The following DLG2 variants were observed in gnomAD, a reference collection of about 807,000 sequenced individuals.
DLG2 encodes disks large homolog 2.
Under a neutral mutation model 132.5 loss-of-function variants are expected in DLG2, and 45 were observed. That is an observed-to-expected ratio of 0.34 (90% CI 0.27 to 0.44). The LOEUF (loss-of-function observed/expected upper bound fraction) is 0.44. Ranked by LOEUF, DLG2 falls within the 20% of genes least tolerant of loss-of-function variation. The probability of loss-of-function intolerance (pLI) is 1.00; values close to 1 mark genes in which losing one functional copy is unlikely to be tolerated. For synonymous variants in DLG2, 424 were observed against 419.6 expected, an observed-to-expected ratio of 1.01 and a Z score of -0.13; for missense variants, 1,045 against 1,196.9, an observed-to-expected ratio of 0.87 and a Z score of 1.87.
chr11:83,812,323 C>T (rs1016359301), intron 17 of DLG2, among the ~76,000 whole-genome samples: 7 of 152,090 alleles, frequency 4.6e-5, no homozygotes, highest in Non-Finnish European at 1.0e-4. Flanking sequence ...TTGTGTTTAA[C>T]AGTAATAGAT....
intron 8 of DLG2, among the ~76,000 whole-genome samples, chr11:84,169,733 C>T (rs1287688369): frequency 6.6e-6 from 1 of 152,046 alleles, no homozygotes; most frequent in African/African-American, 2.4e-5. Context: ...ACTAGCTGGG[C>T]ATCATGGCTC....
At chr11:84,883,174 C>A (rs548635363) in intron 6 of DLG2, among the ~76,000 whole-genome samples, 24 of 152,158 alleles carry the variant, frequency 1.6e-4, no homozygotes, top group Middle Eastern at 6.8e-3. Context: ...ATGGATGAAG[C>A]TGGAAACCAT....
chr11:84,312,834 G>A (rs1293698527), intron 7 of DLG2, among the ~76,000 whole-genome samples: 2 of 151,810 alleles, frequency 1.3e-5, no homozygotes, highest in Non-Finnish European at 2.9e-5. Flanking sequence ...TTTTCAAGAT[G>A]GAGTCTTGCT....
chr11:84,443,551 A>G (rs1449165354), intron 7 of DLG2, among the ~76,000 whole-genome samples: 3 of 152,216 alleles, frequency 2.0e-5, no homozygotes, highest in Admixed American at 2.0e-4. Context: ...ATAAGAGATC[A>G]GTATTCTATA....
intron 18 of DLG2, among the ~76,000 whole-genome samples, chr11:83,701,054 T>A (rs1470186867): frequency 6.6e-6 from 1 of 152,192 alleles, no homozygotes; most frequent in East Asian, 1.9e-4. Flanking sequence ...ACAGGATGTC[T>A]AGGCTTTGTT....
chr11:83,699,571 G>T (rs1375217394), intron 18 of DLG2, among the ~76,000 whole-genome samples: 2 of 150,000 alleles, frequency 1.3e-5, no homozygotes, highest in Admixed American at 6.6e-5. Context: ...CTAGCCGGGC[G>T]TGGTGGTGGG....
intron 6 of DLG2, among the ~76,000 whole-genome samples, chr11:84,731,717 T>A (rs1166330528): frequency 6.6e-6 from 1 of 151,988 alleles, no homozygotes; most frequent in Non-Finnish European, 1.5e-5. Flanking sequence ...AAATGTTTGT[T>A]CTTATTCTAA....
At position 85,062,496 on chromosome 11, in the gene DLG2, G is replaced by A. The variant is rs539102369; in HGVS notation, c.357+49165C>T. Among the ~76,000 whole-genome samples the A allele has an allele frequency of 8.6e-5, 13 of 150,612 alleles. 1 individual carries two copies. In the Middle Eastern group the frequency reaches 0.017, roughly 198 times the overall value. On this transcript the variant is annotated intron_variant, in intron 6 of 27. Transcript: ENST00000376104. ...AAAAGTCATTAAATGCAAACATTGT[G>A]TTAAATATTTTATCTTTATAAGATA...
At chr11:83,905,828 A>G (rs183260038) in intron 15 of DLG2, among the ~76,000 whole-genome samples, 119 of 152,250 alleles carry the variant, frequency 7.8e-4, no homozygotes, top group African/African-American at 2.9e-3. Flanking sequence ...GTACATTATC[A>G]ACATACTGTT....
chr11:84,410,644 A>C (rs2098896513), intron 7 of DLG2, among the ~76,000 whole-genome samples: 1 of 125,178 alleles, frequency 8.0e-6, no homozygotes, highest in Non-Finnish European at 1.6e-5. Flanking sequence ...CAATGGTGTG[A>C]TCTGAGCTCA....
chr11:84,814,470 TGGCTCCCCAC>T (rs2076893037), intron 6 of DLG2, among the ~76,000 whole-genome samples: 2 of 152,064 alleles, frequency 1.3e-5, no homozygotes, highest in African/African-American at 4.8e-5. Flanking sequence ...CCATAGGGCA[TGGCTCCCCAC>T]TGCCTTTCTA....
intron 3 of DLG2, among the ~76,000 whole-genome samples, chr11:85,337,543 T>G (rs185819098): frequency 1.2e-4 from 19 of 152,332 alleles, no homozygotes; most frequent in Admixed American, 9.8e-4. Flanking sequence ...TGCAAGACTG[T>G]ACATTTTTAG....
intron 6 of DLG2, among the ~76,000 whole-genome samples, chr11:84,753,772 TC>T (rs905177713): frequency 1.3e-5 from 2 of 152,184 alleles, no homozygotes; most frequent in Non-Finnish European, 2.9e-5. Context: ...TAAGCCTTGG[TC>T]AACAGTGATA....
chr11:83,833,861 A>G (rs1229761707), intron 16 of DLG2, 91 bp from the exon 17 acceptor site: 49 of 1,291,178 alleles, frequency 3.8e-5, no homozygotes, highest in Non-Finnish European at 5.0e-5. Flanking sequence ...GATATCAGCA[A>G]CTCACTACTT....
chr11:84,184,711 G>A lies in DLG2; in HGVS notation c.574-21200C>T, dbSNP rs548892017. On this transcript the variant is annotated intron_variant, in intron 8 of 27. Transcript: ENST00000376104. Reference sequence around the variant, plus strand: ...GGGTTTTTATGGTTTTAGGTCTAACGTTTAAGTCTTTAATCCATCTTGAAT... The same window carrying A: ...GGGTTTTTATGGTTTTAGGTCTAACATTTAAGTCTTTAATCCATCTTGAAT... 3.2e-3 allele frequency among the ~76,000 whole-genome samples: 481 copies of A among 151,958 alleles called. 1 individual carries two copies. Among genetic ancestry groups the A allele is most frequent in the African/African-American group, 9.6e-3 (397 of 41,462 alleles).
intron 6 of DLG2, among the ~76,000 whole-genome samples, chr11:84,695,361 C>T (rs1402040596): frequency 6.6e-6 from 1 of 151,530 alleles, no homozygotes; most frequent in Non-Finnish European, 1.5e-5. Flanking sequence ...TATGTAACAG[C>T]AAACACAACA....
chr11:84,749,894 C>T (rs1457237651), intron 6 of DLG2, among the ~76,000 whole-genome samples: 1 of 152,042 alleles, frequency 6.6e-6, no homozygotes, highest in Non-Finnish European at 1.5e-5. Context: ...TCACAGTAAT[C>T]CCTGTAAGGC....
chr11:85,480,700 C>T (rs567612304), intron 3 of DLG2, among the ~76,000 whole-genome samples: 4 of 152,230 alleles, frequency 2.6e-5, no homozygotes, highest in East Asian at 3.9e-4. Context: ...AATAAGTACT[C>T]TTACCAAAAG....
At chr11:85,255,719 CTT>C (rs1213674829) in intron 4 of DLG2, among the ~76,000 whole-genome samples, 2 of 152,030 alleles carry the variant, frequency 1.3e-5, no homozygotes, top group East Asian at 3.8e-4. Flanking sequence ...TATGTTTGGT[CTT>C]TGCATTGGAA....
Sources: allele counts gnomAD v4.1 joint callset (sites outside exome capture counted in the v4.1 genomes callset), GRCh38; gene constraint gnomAD v4.1.1; transcripts MANE v1.5; gene names NCBI Gene and HGNC (gene_info 2026-07-23, HGNC 2026-07-21).